RCN2: variants seen among roughly 807,000 people sequenced by gnomAD.
The protein encoded by RCN2 is reticulocalbin-2.
Under a neutral mutation model 37.5 loss-of-function variants are expected in RCN2, and 23 were observed. That is an observed-to-expected ratio of 0.61 (90% CI 0.44 to 0.87). The LOEUF is 0.87. Ranked by LOEUF, RCN2 falls within the 40% of genes least tolerant of loss-of-function variation. The pLI is 0.00. For synonymous variants in RCN2, 140 were observed against 144.6 expected (o/e 0.97, Z 0.23); for missense variants, 381 against 390.4 (o/e 0.98, Z 0.20).
chr15:76,943,120 T>C (rs951330959), intron 3 of RCN2: 3 of 152,234 alleles, frequency 2.0e-5, no homozygotes, highest in South Asian at 2.1e-4. Context: ...TATAAAGTTA[T>C]TGATTTTTGG....
intron 5 of RCN2, 74 bp downstream of exon 5, chr15:76,947,591 A>G: frequency 3.2e-6 from 3 of 942,062 alleles, no homozygotes; most frequent in Non-Finnish European, 3.4e-6. Context: ...TTGCTCATTG[A>G]AAGCTCTCTT....
intron 3 of RCN2, among the ~76,000 whole-genome samples, chr15:76,937,865 CTA>C (rs2075259372): frequency 6.6e-6 from 1 of 152,086 alleles, no homozygotes; most frequent in Non-Finnish European, 1.5e-5. Flanking sequence ...GTCTATTAAA[CTA>C]AAAGTATATC....
At position 76,943,664 on chromosome 15, in the gene RCN2, C is replaced by T. The variant is rs749591043; in HGVS notation, c.448-94C>T. On this transcript the variant is annotated intron_variant, in intron 3 of 6. Transcript: ENST00000394885. ...GACGATGTGAAGATAAATGAGATAA[C>T]GGATGGGAATGTACTTTAAATTTCA... The T allele has an allele frequency of 5.9e-5, 39 of 665,276 alleles. No homozygotes were observed. The Admixed American group carries it at 7.1e-4, about 12-fold the overall frequency. 41.2% of individuals were successfully genotyped at this position (665,276 alleles called of 1,614,324 possible).
rs1596009161 is a variant in RCN2, at chr15:76,952,291, T to C, written c.*3069T>C. 1 of 152,208 alleles carries C rather than the reference T, an allele frequency of 6.6e-6. No homozygotes were observed. The highest frequency in any genetic ancestry group is 2.4e-5 in the African/African-American group (1 of 41,446). The allele number at this position is 152,208 out of a possible 1,614,324, so 9.4% of individuals were successfully genotyped here. On this transcript the variant is annotated 3_prime_UTR_variant, in exon 7 of 7. Transcript: ENST00000394885. Reference sequence around the variant, plus strand: ...CTCTGGGTTTGGACAAATGTATAATTACATATTCCCACCATTGTAGTGTGG... The same window carrying C: ...CTCTGGGTTTGGACAAATGTATAATCACATATTCCCACCATTGTAGTGTGG...
chr15:76,948,513 T>C lies in RCN2; in HGVS notation c.762T>C (p.Pro254=). The C allele has an allele frequency of 6.2e-7, 1 of 1,606,476 alleles. No individual in the cohort carries two copies. The highest frequency in any genetic ancestry group is 8.5e-7 in the Non-Finnish European group (1 of 1,175,658). ...DGRLDPQELL[P]WVVPNNQGIA... Reference sequence around the variant, plus strand: ...GGCTTGATCCCCAAGAGCTGTTACCTTGGGTAGTACCTAATAATCAGGGCA... The same window carrying C: ...GGCTTGATCCCCAAGAGCTGTTACCCTGGGTAGTACCTAATAATCAGGGCA... Residue 254 remains proline, a synonymous_variant, in exon 6 of 7, where the codon CCT becomes CCC. Transcript: ENST00000394885.
chr15:76,941,691 G>A, intron 3 of RCN2: 1 of 1,466,830 alleles, frequency 6.8e-7, no homozygotes, highest in Non-Finnish European at 9.2e-7. Flanking sequence ...TCGATTTAAT[G>A]TGAGCTATTC....
rs2152652263 is a variant in RCN2 at position 76,950,500 on chromosome 15, T to C, written c.*1278T>C. The C allele has an allele frequency of 6.6e-6, 1 of 151,276 alleles. No homozygotes were observed. The highest frequency in any genetic ancestry group is 2.0e-4 in the East Asian group (1 of 5,096). The allele number at this position is 151,276 out of a possible 1,614,324, so 9.4% of individuals were successfully genotyped here. On this transcript the variant is annotated 3_prime_UTR_variant, in exon 7 of 7. Coordinates refer to ENST00000394885, the MANE Select transcript of RCN2 (RefSeq NM_002902.3). ...GCCTCCTGGGTTCACGCCATTCTCC[T>C]GCCTCAGCCTCCCGAGTAGCTGGGA... is the stretch of plus-strand genomic sequence containing the variant.
At chr15:76,940,065 G>T (rs143626614) in intron 3 of RCN2, among the ~76,000 whole-genome samples, 1 of 151,950 alleles carries the variant, frequency 6.6e-6, no homozygotes, top group African/African-American at 2.4e-5. Flanking sequence ...TAAAGGAATA[G>T]ATTGATCCCG....
At chr15:76,946,670 T>G (rs1416013460) in intron 4 of RCN2, among the ~76,000 whole-genome samples, 1 of 152,152 alleles carries the variant, frequency 6.6e-6, no homozygotes, top group Non-Finnish European at 1.5e-5. Context: ...GAGATTTGCT[T>G]GAACCCGGGA....
At chr15:76,948,759 G>A (rs1327866970) in intron 6 of RCN2, 5 of 538,500 alleles carry the variant, frequency 9.3e-6, no homozygotes, top group Admixed American at 3.6e-5. Context: ...TAATTTGAGA[G>A]TACAGTGAAT....
chr15:76,936,128 C>G (rs1421386775), intron 3 of RCN2, among the ~76,000 whole-genome samples: 1 of 151,578 alleles, frequency 6.6e-6, no homozygotes, highest in Non-Finnish European at 1.5e-5. Flanking sequence ...GTTTCCACAT[C>G]TGTGGATTCA....
intron 3 of RCN2, among the ~76,000 whole-genome samples, chr15:76,938,214 G>T (rs2152650144): frequency 6.6e-6 from 1 of 151,988 alleles, no homozygotes; most frequent in South Asian, 2.1e-4. Context: ...ATCCTGTTTT[G>T]GTATATACCT....
rs1424569551 is a variant in RCN2 at position 76,953,701 on chromosome 15, G to A, written c.*4479G>A. On this transcript the variant is annotated 3_prime_UTR_variant, in exon 7 of 7. Transcript: ENST00000394885. ...CGGCTCACTGCAGGCTCCGCCTCCC[G>A]GGTTCACACCATTCTCCTGCCTCAG... is the stretch of plus-strand genomic sequence containing the variant. The A allele has an allele frequency of 1.4e-5, 2 of 138,236 alleles. No homozygotes were observed. The highest frequency in any genetic ancestry group is 3.1e-5 in the Non-Finnish European group (2 of 65,492). 8.6% of individuals were successfully genotyped at this position (138,236 alleles called of 1,614,324 possible).
chr15:76,937,923 T>A (rs777407647), intron 3 of RCN2, among the ~76,000 whole-genome samples: 1 of 152,220 alleles, frequency 6.6e-6, no homozygotes, highest in Non-Finnish European at 1.5e-5. Flanking sequence ...TCAAATACTT[T>A]TGTATTTCAA....
At chr15:76,932,888 G>A (rs1014160948) in intron 2 of RCN2, among the ~76,000 whole-genome samples, 1 of 152,134 alleles carries the variant, frequency 6.6e-6, no homozygotes, top group Non-Finnish European at 1.5e-5. Flanking sequence ...TGTTGCCTGT[G>A]AATTACGTTT....
At position 76,939,668 on chromosome 15, in the gene RCN2, TG is replaced by T. The variant is rs1307658485; in HGVS notation, c.447+3947del. On this transcript the variant is annotated intron_variant, in intron 3 of 6. Transcript: ENST00000394885. ...TAGGAATTAACTTATCTTAAACCAATGTAACTTATCTAAAACCAAAGCATGG... is the reference window on the plus strand; with the variant it reads ...TAGGAATTAACTTATCTTAAACCAATTAACTTATCTAAAACCAAAGCATGG... 7.2e-5 allele frequency among the ~76,000 whole-genome samples: 11 copies of T among 152,322 alleles called. No individual in the cohort carries two copies. In the East Asian group the frequency reaches 1.7e-3, roughly 24 times the overall value.
chr15:76,942,343 T>G (rs1444722710), intron 3 of RCN2: 1 of 152,230 alleles, frequency 6.6e-6, no homozygotes, highest in African/African-American at 2.4e-5. Context: ...GTTTAATACA[T>G]ATCAGTTTAT....
chr15:76,935,787 T>C (rs1039139345), intron 3 of RCN2, 65 bp downstream of exon 3: 6 of 1,219,606 alleles, frequency 4.9e-6, no homozygotes, highest in Non-Finnish European at 7.0e-6. Context: ...CCTGCATGAA[T>C]GAGCACATTG....
chr15:76,938,812 T>C, intron 3 of RCN2: 1 of 453,440 alleles, frequency 2.2e-6, no homozygotes, highest in Non-Finnish European at 4.5e-6. Flanking sequence ...TTGTGTAACT[T>C]TGGGCAAGTT....
Sources: allele counts gnomAD v4.1 joint callset (sites outside exome capture counted in the v4.1 genomes callset), GRCh38; gene constraint gnomAD v4.1.1; transcripts MANE v1.5; gene names NCBI Gene and HGNC (gene_info 2026-07-23, HGNC 2026-07-21).